ROBO1: variants seen among roughly 807,000 people sequenced by gnomAD.
The protein encoded by ROBO1 is roundabout homolog 1.
In ROBO1, 149 loss-of-function variants were observed where a neutral mutation model predicts 195.9. The ratio of observed to expected loss-of-function variants is 0.76; its 90% CI spans 0.67 to 0.87. The LOEUF (loss-of-function observed/expected upper bound fraction) is 0.87, where lower values mean the gene tolerates loss of function less well. ROBO1 is among the 40% of genes least tolerant of loss of function. The probability of loss-of-function intolerance (pLI) is 0.00; values close to 1 mark genes in which losing one functional copy is unlikely to be tolerated. For synonymous variants in ROBO1, 816 were observed against 733.2 expected, an observed-to-expected ratio of 1.11 and a Z score of -1.82; for missense variants, 1,933 against 2,068.3, an observed-to-expected ratio of 0.93 and a Z score of 1.27.
intron 8 of ROBO1, 64 bp from the exon 9 acceptor site, chr3:78,688,836 A>C: frequency 1.3e-6 from 2 of 1,494,046 alleles, no homozygotes; most frequent in Non-Finnish European, 1.8e-6. Context: ...AATTGAGACA[A>C]TCTCTTATAT....
chr3:78,702,876 C>T (rs1023891190), intron 8 of ROBO1, among the ~76,000 whole-genome samples: 2 of 152,174 alleles, frequency 1.3e-5, no homozygotes, highest in Admixed American at 1.3e-4. Context: ...CATTATTTGT[C>T]ACTGAATCAT....
intron 1 of ROBO1, among the ~76,000 whole-genome samples, chr3:79,613,060 A>T (rs1428444320): frequency 3.3e-5 from 5 of 151,966 alleles, no homozygotes; most frequent in African/African-American, 1.2e-4. Flanking sequence ...TTAAAGTATT[A>T]TAACAAAAAA....
At chr3:79,205,372 A>AT (rs2081848604) in intron 2 of ROBO1, among the ~76,000 whole-genome samples, 1 of 152,114 alleles carries the variant, frequency 6.6e-6, no homozygotes, top group East Asian at 1.9e-4. Context: ...AAACTGTAAG[A>AT]TTTTGGATCA....
At chr3:79,108,141 G>C (rs987311726) in intron 3 of ROBO1, among the ~76,000 whole-genome samples, 1 of 151,682 alleles carries the variant, frequency 6.6e-6, no homozygotes, top group Non-Finnish European at 1.5e-5. Flanking sequence ...TAGTATGTGT[G>C]TTTTGGAAAG....
chr3:78,923,112 A>G (rs895633492), intron 4 of ROBO1, among the ~76,000 whole-genome samples: 1 of 152,172 alleles, frequency 6.6e-6, no homozygotes, highest in Non-Finnish European at 1.5e-5. Context: ...TCTTATAGAC[A>G]AGAAAATGAA....
At chr3:78,679,260 T>G (rs1352506767) in intron 10 of ROBO1, among the ~76,000 whole-genome samples, 2 of 152,008 alleles carry the variant, frequency 1.3e-5, no homozygotes, top group Non-Finnish European at 2.9e-5. Context: ...CTTTGAAAAC[T>G]GGCACAAGAC....
intron 4 of ROBO1, among the ~76,000 whole-genome samples, chr3:78,918,970 GA>G (rs1337067396): frequency 6.6e-6 from 1 of 152,004 alleles, no homozygotes; most frequent in Non-Finnish European, 1.5e-5. Flanking sequence ...TGGAGCAAAG[GA>G]AAGTACCACA....
chr3:79,058,701 T>C lies in ROBO1; in HGVS notation c.172+66755A>G, dbSNP rs1034119458. Reference sequence around the variant, plus strand: ...ATTAATTGTCATTTATACACTTGTATTAACTCCCTATTTTGACTTCAAGAA... The same window carrying C: ...ATTAATTGTCATTTATACACTTGTACTAACTCCCTATTTTGACTTCAAGAA... On this transcript the variant is annotated intron_variant, in intron 3 of 30. Transcript: ENST00000464233. Among the ~76,000 whole-genome samples, 7 of 9,268 alleles carry C rather than the reference T, an allele frequency of 7.6e-4. No homozygotes were observed. The Non-Finnish European group carries it at 0.042, about 55-fold the overall frequency. 6.1% of individuals were successfully genotyped at this position (9,268 alleles called of 152,430 possible).
At chr3:79,326,483 C>A (rs1178811690) in intron 2 of ROBO1, among the ~76,000 whole-genome samples, 2 of 152,028 alleles carry the variant, frequency 1.3e-5, no homozygotes, top group Non-Finnish European at 2.9e-5. Context: ...TAGAAAAGAA[C>A]CTATGTGACT....
chr3:79,425,859 A>G (rs1357034635), intron 2 of ROBO1, among the ~76,000 whole-genome samples: 1 of 152,204 alleles, frequency 6.6e-6, no homozygotes, highest in South Asian at 2.1e-4. Flanking sequence ...TGGATTTCAC[A>G]CGCTCTCACT....
At chr3:79,647,596 C>T (rs1945869921) in intron 1 of ROBO1, among the ~76,000 whole-genome samples, 1 of 151,744 alleles carries the variant, frequency 6.6e-6, no homozygotes, top group South Asian at 2.1e-4. Context: ...AAGTAGAAGG[C>T]AGGATTGCTG....
intron 5 of ROBO1, among the ~76,000 whole-genome samples, chr3:78,723,098 A>G (rs1416506450): frequency 6.6e-6 from 1 of 152,214 alleles, no homozygotes; most frequent in Non-Finnish European, 1.5e-5. Flanking sequence ...GATGAACCTC[A>G]TATATGATGA....
intron 1 of ROBO1, among the ~76,000 whole-genome samples, chr3:79,591,917 T>C (rs1385091727): frequency 6.6e-6 from 1 of 151,778 alleles, no homozygotes; most frequent in African/African-American, 2.4e-5. Context: ...CATAGAGTCC[T>C]GTTTGGAAAA....
intron 4 of ROBO1, among the ~76,000 whole-genome samples, chr3:78,801,484 C>A (rs2084369926): frequency 6.6e-6 from 1 of 152,048 alleles, no homozygotes. Flanking sequence ...TCTCCTTACA[C>A]TTCTATCCTA....
At chr3:79,004,355 A>G (rs1008994579) in intron 3 of ROBO1, among the ~76,000 whole-genome samples, 1 of 152,228 alleles carries the variant, frequency 6.6e-6, no homozygotes, top group Non-Finnish European at 1.5e-5. Context: ...AGCAAAGTCA[A>G]GAAATTCATA....
intron 2 of ROBO1, among the ~76,000 whole-genome samples, chr3:79,485,227 A>G (rs1939096515): frequency 6.6e-6 from 1 of 152,110 alleles, no homozygotes; most frequent in Admixed American, 6.6e-5. Flanking sequence ...ATAAAATAAG[A>G]CATTTTATTA....
intron 2 of ROBO1, among the ~76,000 whole-genome samples, chr3:79,559,929 T>G (rs116975966): frequency 1.3e-5 from 2 of 152,036 alleles, no homozygotes; most frequent in East Asian, 3.9e-4. Context: ...AAGAAAAAAA[T>G]GCTGATATTT....
In ROBO1 at chr3:79,364,238, A is replaced by G. The variant is rs201840215; in HGVS notation, c.88+225586T>C. Among the ~76,000 whole-genome samples the G allele has an allele frequency of 6.9e-4, 100 of 145,746 alleles. 1 individual carries two copies. In the East Asian group the frequency reaches 0.01, roughly 15 times the overall value. On this transcript the variant is annotated intron_variant, in intron 2 of 30. Transcript: ENST00000464233. Reference sequence around the variant, plus strand: ...CGAAACTATATAAATGTGTGTGTGTATATATATATATATACATATATATAC... The same window carrying G: ...CGAAACTATATAAATGTGTGTGTGTGTATATATATATATACATATATATAC...
At chr3:78,640,363 T>C (rs1299263839) in intron 21 of ROBO1, among the ~76,000 whole-genome samples, 3 of 152,166 alleles carry the variant, frequency 2.0e-5, no homozygotes, top group African/African-American at 7.2e-5. Flanking sequence ...TCAAATTAAA[T>C]GTACTGGCGT....
Sources: allele counts gnomAD v4.1 joint callset (sites outside exome capture counted in the v4.1 genomes callset), GRCh38; gene constraint gnomAD v4.1.1; transcripts MANE v1.5; gene names NCBI Gene and HGNC (gene_info 2026-07-23, HGNC 2026-07-21).